MGAT4C: variants seen among roughly 807,000 people sequenced by gnomAD.
The protein encoded by MGAT4C is alpha-1,3-mannosyl-glycoprotein 4-beta-N-acetylglucosaminyltransferase C.
In MGAT4C, 19 loss-of-function variants were observed where a neutral mutation model predicts 40.1. The ratio of observed to expected loss-of-function variants is 0.47; its 90% CI spans 0.33 to 0.70. The LOEUF is 0.70. Ranked by LOEUF, MGAT4C falls within the 30% of genes least tolerant of loss-of-function variation. The pLI is 0.02. For missense variants in MGAT4C, 491 were observed against 563.2 expected (o/e 0.87, Z 1.30); for synonymous variants, 181 against 187.1 (o/e 0.97, Z 0.27).
upstream of MGAT4C, among the ~76,000 whole-genome samples, chr12:86,258,156 C>T (rs1014665070): frequency 6.6e-6 from 1 of 151,932 alleles, no homozygotes; most frequent in African/African-American, 2.4e-5. Flanking sequence ...TATTTCAACT[C>T]AAAAATAATG....
rs1883300578 is a variant in MGAT4C at position 85,965,306 on chromosome 12, G to A, written c.*13983C>T. The stretch of plus-strand genomic sequence containing the variant: ...ATGAAAATCACGAACTTGGGAATAA[G>A]GACACTCTGGGCCCGGCGCGGTGGC... On this transcript the variant is annotated 3_prime_UTR_variant, in exon 5 of 5. Transcript: ENST00000611864. 1 of 151,816 alleles carries A rather than the reference G, an allele frequency of 6.6e-6. No individual in the cohort carries two copies. The highest frequency in any genetic ancestry group is 2.1e-4 in the South Asian group (1 of 4,818). 9.4% of individuals were successfully genotyped at this position (151,816 alleles called of 1,614,324 possible). A position where few individuals can be genotyped will look rare whatever the true frequency, so the allele number is the denominator to read the frequency against.
intron 1 of MGAT4C, among the ~76,000 whole-genome samples, chr12:86,074,049 G>A (rs1249346094): frequency 1.3e-5 from 2 of 152,006 alleles, no homozygotes; most frequent in Non-Finnish European, 2.9e-5. Flanking sequence ...GAATCATGGG[G>A]GCCAGTTTTT....
chr12:86,521,024 G>A (rs1022386103), intron 2 of MGAT4C, among the ~76,000 whole-genome samples: 1 of 152,122 alleles, frequency 6.6e-6, no homozygotes, highest in African/African-American at 2.4e-5. Flanking sequence ...TAGGTTGTGT[G>A]TTCACTCTGT....
intron 2 of MGAT4C, among the ~76,000 whole-genome samples, chr12:86,026,364 C>A (rs1028643324): frequency 2.0e-5 from 3 of 151,440 alleles, no homozygotes; most frequent in Non-Finnish European, 4.4e-5. Flanking sequence ...AAATACTAAA[C>A]ACACACACAC....
intron 3 of MGAT4C, among the ~76,000 whole-genome samples, chr12:86,401,766 C>G (rs1213110900): frequency 6.6e-6 from 1 of 152,012 alleles, no homozygotes; most frequent in East Asian, 1.9e-4. Flanking sequence ...TATTATTGCA[C>G]TTAGTTTTAC....
intron 1 of MGAT4C, among the ~76,000 whole-genome samples, chr12:86,213,564 T>C (rs555126492): frequency 4.6e-5 from 7 of 152,318 alleles, no homozygotes; most frequent in East Asian, 1.9e-4. Flanking sequence ...CATTTAAAAA[T>C]AGCAACCACA....
At chr12:86,431,609 C>T (rs1957040722) in intron 3 of MGAT4C, among the ~76,000 whole-genome samples, 1 of 152,088 alleles carries the variant, frequency 6.6e-6, no homozygotes, top group African/African-American at 2.4e-5. Context: ...CTTAGCCTCA[C>T]CTACCATAAA....
Position 85,979,628 on chromosome 12 carries a change from CTCA to C in MGAT4C, c.1095_1097del (p.Asp365del). Reference sequence around the variant, plus strand: ...TTGAAGGTGGTTTCCCCCAAAAGTACTCATCAACACTACTGTAAGCCTTGCTTG... The same window carrying C: ...TTGAAGGTGGTTTCCCCCAAAAGTACTCAACACTACTGTAAGCCTTGCTTG... On this transcript the variant is annotated inframe_deletion, in exon 5 of 5. Coordinates refer to ENST00000611864, the MANE Select transcript of MGAT4C (RefSeq NM_001351288.2). 1 of 1,611,868 alleles carries C rather than the reference CTCA, an allele frequency of 6.2e-7. No homozygotes were observed. Among genetic ancestry groups the C allele is most frequent in the Non-Finnish European group, 8.5e-7 (1 of 1,179,582 alleles).
chr12:86,601,165 C>G (rs1468562050), intron 2 of MGAT4C: 1 of 152,484 alleles, frequency 6.6e-6, no homozygotes, highest in Non-Finnish European at 1.5e-5. Context: ...AGCCTGGGGG[C>G]CATGAACGGC....
At chr12:86,253,290 A>T (rs1014316178) in intron 1 of MGAT4C, among the ~76,000 whole-genome samples, 13 of 151,880 alleles carry the variant, frequency 8.6e-5, no homozygotes, top group Admixed American at 6.6e-4. Context: ...CGAAGTAGAT[A>T]CTCAAGAGAA....
chr12:86,454,721 T>A (rs1224058602), intron 2 of MGAT4C, among the ~76,000 whole-genome samples: 2 of 152,126 alleles, frequency 1.3e-5, no homozygotes, highest in Admixed American at 1.3e-4. Flanking sequence ...AAAGAGCAAA[T>A]TCAATGATAT....
At chr12:86,338,631 G>A (rs1436981033) in intron 3 of MGAT4C, among the ~76,000 whole-genome samples, 1 of 152,150 alleles carries the variant, frequency 6.6e-6, no homozygotes, top group African/African-American at 2.4e-5. Context: ...GAAAGATGGA[G>A]TCGGTTAGGT....
chr12:86,185,928 G>GA (rs200990406), intron 1 of MGAT4C, among the ~76,000 whole-genome samples: 21 of 149,772 alleles, frequency 1.4e-4, no homozygotes, highest in South Asian at 4.2e-4. Context: ...CCCCACCCCA[G>GA]AAAAAAAAAT....
At chr12:86,433,856 A>C (rs1957090721) in intron 3 of MGAT4C, among the ~76,000 whole-genome samples, 1 of 152,024 alleles carries the variant, frequency 6.6e-6, no homozygotes, top group Non-Finnish European at 1.5e-5. Flanking sequence ...GACCTTCACT[A>C]TGAATTCATT....
At chr12:86,341,411 C>T (rs967229144) in intron 3 of MGAT4C, among the ~76,000 whole-genome samples, 11 of 152,178 alleles carry the variant, frequency 7.2e-5, no homozygotes, top group African/African-American at 2.2e-4. Context: ...TTAGATACTT[C>T]GACTTTCTGG....
chr12:86,809,706 A>T (rs1278533587), intron 1 of MGAT4C, among the ~76,000 whole-genome samples: 1 of 151,748 alleles, frequency 6.6e-6, no homozygotes, highest in Non-Finnish European at 1.5e-5. Context: ...TTATAATTAG[A>T]TTTTTTGGCT....
intron 1 of MGAT4C, among the ~76,000 whole-genome samples, chr12:86,753,173 G>A (rs924514788): frequency 2.0e-5 from 3 of 152,096 alleles, no homozygotes; most frequent in African/African-American, 7.2e-5. Context: ...TCTCCAGCAA[G>A]GTAACATGTC....
chr12:86,724,478 C>T (rs1490053762), intron 2 of MGAT4C, among the ~76,000 whole-genome samples: 1 of 152,186 alleles, frequency 6.6e-6, no homozygotes, highest in Non-Finnish European at 1.5e-5. Context: ...CCTACCTCCT[C>T]TGGCCTACCA....
chr12:86,552,885 A>C (rs1488301814), intron 2 of MGAT4C, among the ~76,000 whole-genome samples: 3 of 152,132 alleles, frequency 2.0e-5, no homozygotes, highest in Non-Finnish European at 2.9e-5. Flanking sequence ...TTTTACCATT[A>C]CTTTTAATGC....
Sources: allele counts gnomAD v4.1 joint callset (sites outside exome capture counted in the v4.1 genomes callset), GRCh38; gene constraint gnomAD v4.1.1; transcripts MANE v1.5; gene names NCBI Gene and HGNC (gene_info 2026-07-23, HGNC 2026-07-21).